The following SUPT3H variants were observed in gnomAD, a reference collection of about 807,000 sequenced individuals.
SUPT3H encodes the protein SPT3 homolog, SAGA and STAGA complex component, also known as transcription initiation protein SPT3 homolog.
A neutral mutation model predicts 44.3 loss-of-function variants in SUPT3H; 44 were observed. The ratio of observed to expected loss-of-function variants is 0.99; its 90% CI spans 0.78 to 1.28. SUPT3H has a LOEUF of 1.28. Among genes scored for constraint, SUPT3H ranks in the 50% most tolerant of loss-of-function variants. SUPT3H has a pLI of 0.00. For missense variants in SUPT3H, 380 were observed against 387.1 expected (o/e 0.98, Z 0.15); for synonymous variants, 124 against 125.6 (o/e 0.99, Z 0.09).
rs576524462 is a variant in SUPT3H at position 45,042,148 on chromosome 6, C to T, written c.187-21516G>A. Among the ~76,000 whole-genome samples, 6 of 152,182 alleles carry T rather than the reference C, an allele frequency of 3.9e-5. No individual in the cohort carries two copies. The East Asian group carries it at 5.8e-4, about 15-fold the overall frequency. On this transcript the variant is annotated intron_variant, in intron 3 of 10. Transcript: ENST00000371459. ...TAAAAATCCATTCAGTCTGGCTGGG[C>T]GTGGTGGCTCACACCTATAATCCCA...
intron 2 of SUPT3H, among the ~76,000 whole-genome samples, chr6:45,304,785 A>C (rs1782728442): frequency 1.3e-5 from 2 of 152,224 alleles, no homozygotes; most frequent in African/African-American, 2.4e-5. Flanking sequence ...ATATCTTAGA[A>C]AATGCACAAT....
intron 2 of SUPT3H, among the ~76,000 whole-genome samples, chr6:45,246,985 T>C (rs1005912479): frequency 4.6e-5 from 7 of 152,194 alleles, no homozygotes; most frequent in Middle Eastern, 3.4e-3. Context: ...CAGAAATCAA[T>C]GATATTGAAA....
intron 10 of SUPT3H, among the ~76,000 whole-genome samples, chr6:44,928,976 G>C (rs1380788118): frequency 6.6e-6 from 1 of 151,544 alleles, no homozygotes; most frequent in African/African-American, 2.4e-5. Flanking sequence ...CCACTGAGTG[G>C]GGACGGATGG....
chr6:45,062,320 T>C (rs1196902745), intron 3 of SUPT3H, among the ~76,000 whole-genome samples: 3 of 152,230 alleles, frequency 2.0e-5, no homozygotes, highest in African/African-American at 4.8e-5. Flanking sequence ...ATTCTAGTTT[T>C]CAAGGCATAA....
intron 3 of SUPT3H, among the ~76,000 whole-genome samples, chr6:45,075,800 T>G (rs1485344052): frequency 1.7e-4 from 2 of 11,892 alleles, no homozygotes; most frequent in Admixed American, 1.7e-3. Context: ...CTAAATTCAA[T>G]TAAGGGAAAA....
intron 10 of SUPT3H, among the ~76,000 whole-genome samples, chr6:44,833,965 T>C (rs948056792): frequency 1.3e-5 from 2 of 152,168 alleles, no homozygotes; most frequent in African/African-American, 4.8e-5. Context: ...CATCTTCACT[T>C]TGGAGGCTTT....
chr6:45,235,393 T>A (rs1391828529), intron 2 of SUPT3H, among the ~76,000 whole-genome samples: 1 of 152,116 alleles, frequency 6.6e-6, no homozygotes, highest in Non-Finnish European at 1.5e-5. Flanking sequence ...TCTGGGAGGA[T>A]CAAGTGGCAT....
intron 2 of SUPT3H, among the ~76,000 whole-genome samples, chr6:45,364,532 T>C (rs1334410363): frequency 6.9e-6 from 1 of 145,416 alleles, no homozygotes; most frequent in East Asian, 1.9e-4. Flanking sequence ...TGAACCAATA[T>C]AATGAAAAAC....
chr6:45,101,476 G>A (rs934341347), intron 3 of SUPT3H, among the ~76,000 whole-genome samples: 1 of 152,156 alleles, frequency 6.6e-6, no homozygotes, highest in Non-Finnish European at 1.5e-5. Context: ...GAATAGAATA[G>A]TAGTTACTAG....
intron 2 of SUPT3H, 54 bp downstream of exon 2, chr6:45,365,147 C>G (rs1794911953): frequency 9.1e-7 from 1 of 1,097,760 alleles, no homozygotes; most frequent in Non-Finnish European, 1.3e-6. Context: ...TATTGTCTTT[C>G]AACATGAATA....
intron 10 of SUPT3H, 84 bp from the exon 11 acceptor site, chr6:44,829,941 C>T: frequency 7.7e-7 from 1 of 1,291,014 alleles, no homozygotes; most frequent in East Asian, 2.3e-5. Flanking sequence ...GAGCCCTCTT[C>T]CTGTTTTGTA....
intron 2 of SUPT3H, among the ~76,000 whole-genome samples, chr6:45,312,353 A>C (rs1284018481): frequency 6.6e-6 from 1 of 151,968 alleles, no homozygotes; most frequent in East Asian, 1.9e-4. Flanking sequence ...TCTCCACAAA[A>C]TATACAAAAA....
At chr6:45,158,242 AGAT>A (rs1272217778) in intron 2 of SUPT3H, among the ~76,000 whole-genome samples, 1 of 135,648 alleles carries the variant, frequency 7.4e-6, no homozygotes, top group Non-Finnish European at 1.6e-5. Context: ...ATAGATAGAT[AGAT>A]AATGCCTATA....
chr6:45,304,905 C>T (rs555785369), intron 2 of SUPT3H, among the ~76,000 whole-genome samples: 2 of 152,262 alleles, frequency 1.3e-5, no homozygotes, highest in African/African-American at 2.4e-5. Context: ...AAGAAATCAA[C>T]AGCCTGAAAC....
rs549131053 is a variant in SUPT3H at position 45,142,126 on chromosome 6, G to A, written c.102-36120C>T. Among the ~76,000 whole-genome samples the A allele has an allele frequency of 2.6e-5, 4 of 152,214 alleles. No homozygotes were observed. The South Asian group carries it at 6.2e-4, about 24-fold the overall frequency. On this transcript the variant is annotated intron_variant, in intron 2 of 10. Transcript: ENST00000371459. ...TTGAAACAAAGTAATTATCAGCCAA[G>A]CATTTTGTATCCAGGAAAACTAAGC...
chr6:45,358,158 ATG>A (rs1256286459), intron 2 of SUPT3H, among the ~76,000 whole-genome samples: 2 of 151,318 alleles, frequency 1.3e-5, no homozygotes, highest in Non-Finnish European at 2.9e-5. Context: ...AACATGTAAA[ATG>A]TATTTTTCCC....
intron 2 of SUPT3H, among the ~76,000 whole-genome samples, chr6:45,204,073 C>T (rs536598095): frequency 6.6e-6 from 1 of 152,044 alleles, no homozygotes; most frequent in African/African-American, 2.4e-5. Context: ...ATTGTGAAAC[C>T]CCATCTCTAC....
intron 2 of SUPT3H, among the ~76,000 whole-genome samples, chr6:45,156,997 T>C (rs1171725166): frequency 3.9e-5 from 6 of 152,144 alleles, no homozygotes; most frequent in African/African-American, 1.4e-4. Context: ...ATCTGTTGAT[T>C]TGATCAGAGA....
chr6:45,013,053 C>A (rs1017333412), intron 5 of SUPT3H, among the ~76,000 whole-genome samples: 1 of 152,022 alleles, frequency 6.6e-6, no homozygotes, highest in Non-Finnish European at 1.5e-5. Context: ...AGCTGTTAGC[C>A]CCCACTAATT....
Sources: allele counts gnomAD v4.1 joint callset (sites outside exome capture counted in the v4.1 genomes callset), GRCh38; gene constraint gnomAD v4.1.1; transcripts MANE v1.5; gene names NCBI Gene and HGNC (gene_info 2026-07-23, HGNC 2026-07-21).